The following RCN2 variants were observed in gnomAD, a reference collection of about 807,000 sequenced individuals.
The protein encoded by RCN2 is reticulocalbin-2.
In RCN2, 23 loss-of-function variants were observed where a neutral mutation model predicts 37.5. The ratio of observed to expected loss-of-function variants is 0.61; its 90% CI spans 0.44 to 0.87. RCN2 has a LOEUF of 0.87. Among genes scored for constraint, RCN2 ranks in the 40% least tolerant of loss-of-function variants. The probability of loss-of-function intolerance (pLI) is 0.00; values close to 1 mark genes in which losing one functional copy is unlikely to be tolerated. For synonymous variants in RCN2, 140 were observed against 144.6 expected (o/e 0.97, Z 0.23); for missense variants, 381 against 390.4 (o/e 0.98, Z 0.20).
At chr15:76,937,392 AC>A (rs2075255951) in intron 3 of RCN2, among the ~76,000 whole-genome samples, 2 of 150,640 alleles carry the variant, frequency 1.3e-5, no homozygotes, top group African/African-American at 4.9e-5. Context: ...TAGTGAGTAC[AC>A]CCTTTAAAAT....
Position 76,950,386 on chromosome 15 carries a change from C to CTTTTTTTTTTTTTT in RCN2, c.*1171_*1184dup, listed in dbSNP as rs67783519. The CTTTTTTTTTTTTTT allele has an allele frequency of 9.5e-6, 1 of 105,464 alleles. No individual in the cohort carries two copies. Among genetic ancestry groups the CTTTTTTTTTTTTTT allele is most frequent in the Non-Finnish European group, 1.9e-5 (1 of 53,654 alleles). 6.5% of individuals were successfully genotyped at this position (105,464 alleles called of 1,614,324 possible). On this transcript the variant is annotated 3_prime_UTR_variant, in exon 7 of 7. Coordinates refer to ENST00000394885, the MANE Select transcript of RCN2 (RefSeq NM_002902.3). ...TGATGTACAGAGATTGTTTTTCATT[C>CTTTTTTTTTTTTTT]TTTTTTTTTTTTTTTTTTTTGTGAC...
chr15:76,933,895 G>T (rs995075772), intron 2 of RCN2, among the ~76,000 whole-genome samples: 1 of 152,172 alleles, frequency 6.6e-6, no homozygotes, highest in Non-Finnish European at 1.5e-5. Flanking sequence ...GTAGGAGTTG[G>T]CTTTGAAGCC....
chr15:76,941,534 A>G, intron 3 of RCN2: 1 of 535,210 alleles, frequency 1.9e-6, no homozygotes, highest in Non-Finnish European at 3.2e-6. Context: ...TACTGTACCT[A>G]ACACTTTTTA....
At position 76,953,568 on chromosome 15, in the gene RCN2, TATATATATATATATATATATATATA is replaced by T. The variant is rs1444959470; in HGVS notation, c.*4347_*4371del. 9.9e-4 allele frequency: 16 copies of T among 16,216 alleles called. No individual in the cohort carries two copies. The highest frequency in any genetic ancestry group is 2.8e-3 in the East Asian group (2 of 702). The allele number at this position is 16,216 out of a possible 1,614,324, so 1.0% of individuals were successfully genotyped here. On this transcript the variant is annotated 3_prime_UTR_variant, in exon 7 of 7. Coordinates refer to ENST00000394885, the MANE Select transcript of RCN2 (RefSeq NM_002902.3). ...CATATAGTAATTCTATATATATATATATATATATATATATATATATATATATTTTTTTTTTTTTTTTTTTTTTTTT... is the reference window on the plus strand; with the variant it reads ...CATATAGTAATTCTATATATATATATTTTTTTTTTTTTTTTTTTTTTTTTT...
At chr15:76,944,119 G>A (rs1456002040) in intron 4 of RCN2, among the ~76,000 whole-genome samples, 1 of 148,686 alleles carries the variant, frequency 6.7e-6, no homozygotes, top group Non-Finnish European at 1.5e-5. Context: ...CAGCCTCTCT[G>A]AGTAGCTGGA....
intron 3 of RCN2, chr15:76,942,555 G>A (rs2075280280): frequency 6.6e-6 from 1 of 152,180 alleles, no homozygotes; most frequent in Admixed American, 6.5e-5. Context: ...AAAAGGATAT[G>A]TGTTTATTAA....
intron 3 of RCN2, among the ~76,000 whole-genome samples, chr15:76,940,318 G>C (rs2075271616): frequency 6.6e-6 from 1 of 150,938 alleles, no homozygotes; most frequent in Non-Finnish European, 1.5e-5. Context: ...AAAAAATAAC[G>C]TCCTAAAAAT....
At chr15:76,941,390 C>T (rs1482174393) in intron 3 of RCN2, 3 of 310,526 alleles carry the variant, frequency 9.7e-6, no homozygotes, top group Non-Finnish European at 1.2e-5. Flanking sequence ...TTTTTAATGC[C>T]TAGTCATTTG....
chr15:76,939,676 A>T (rs949474041), intron 3 of RCN2, among the ~76,000 whole-genome samples: 2 of 152,214 alleles, frequency 1.3e-5, no homozygotes, highest in African/African-American at 4.8e-5. Flanking sequence ...AATGTAACTT[A>T]TCTAAAACCA....
chr15:76,932,346 C>T lies in RCN2; in HGVS notation c.145-15C>T, dbSNP rs561714874. Reference sequence around the variant, plus strand: ...AGTAATGCTTGGCCCTCCTGTGTGTCGCTTCCCCCTAAAGGAAGATGTGGA... The same window carrying T: ...AGTAATGCTTGGCCCTCCTGTGTGTTGCTTCCCCCTAAAGGAAGATGTGGA... On this transcript the variant is annotated splice_polypyrimidine_tract_variant and intron_variant, in intron 1 of 6. Transcript: ENST00000394885. The T allele has an allele frequency of 8.1e-6, 13 of 1,596,624 alleles. No homozygotes were observed. The highest frequency in any genetic ancestry group is 6.6e-5 in the South Asian group (6 of 90,438).
intron 3 of RCN2, chr15:76,942,319 T>C (rs1035326876): frequency 5.3e-5 from 8 of 152,156 alleles, no homozygotes; most frequent in African/African-American, 1.7e-4. Context: ...AATTGTGCTT[T>C]AAAAAAATGC....
rs1034722635 is a variant in RCN2 at position 76,951,051 on chromosome 15, T to C, written c.*1829T>C. The C allele has an allele frequency of 1.3e-5, 2 of 152,256 alleles. No homozygotes were observed. Among genetic ancestry groups the C allele is most frequent in the African/African-American group, 4.8e-5 (2 of 41,470 alleles). The allele number at this position is 152,256 out of a possible 1,614,324, so 9.4% of individuals were successfully genotyped here. ...ATCACTCATCTGTCATTTGTCAGAC[T>C]CACTGAAGCTGGCATATTTGAAATC... is the stretch of plus-strand genomic sequence containing the variant. On this transcript the variant is annotated 3_prime_UTR_variant, in exon 7 of 7. Transcript: ENST00000394885.
chr15:76,937,485 C>T (rs887381715), intron 3 of RCN2, among the ~76,000 whole-genome samples: 9 of 151,512 alleles, frequency 5.9e-5, no homozygotes, highest in African/African-American at 1.7e-4. Context: ...GGTATAATCT[C>T]GGCTCACTGC....
chr15:76,949,357 A>G lies in RCN2; in HGVS notation c.*135A>G. 3.1e-6 allele frequency: 2 copies of G among 643,536 alleles called. No individual in the cohort carries two copies. The highest frequency in any genetic ancestry group is 3.2e-5 in the East Asian group (1 of 30,978). The allele number at this position is 643,536 out of a possible 1,614,324, so 39.9% of individuals were successfully genotyped here. A position where few individuals can be genotyped will look rare whatever the true frequency, so the allele number is the denominator to read the frequency against. On this transcript the variant is annotated 3_prime_UTR_variant, in exon 7 of 7. Transcript: ENST00000394885. ...AGTCAGAATTATCTTAATGTAGATT[A>G]TAATTTTGGTCTTTTAGGAAAAAAA...
rs1568463686 is a variant in RCN2, at chr15:76,953,756, TGCCACC to T, written c.*4537_*4542del. On this transcript the variant is annotated 3_prime_UTR_variant, in exon 7 of 7. Transcript: ENST00000394885. ...CCGAGTAGCTGGGACTATAGGCGCC[TGCCACC>T]GCACCCGGCTAATTTTTTGTATTTT... 1 of 52,002 alleles carries T rather than the reference TGCCACC, an allele frequency of 1.9e-5. No homozygotes were observed. The highest frequency in any genetic ancestry group is 7.3e-5 in the Non-Finnish European group (1 of 13,642). 3.2% of individuals were successfully genotyped at this position (52,002 alleles called of 1,614,324 possible).
intron 5 of RCN2, 62 bp downstream of exon 5, chr15:76,947,579 C>T (rs2075301670): frequency 9.4e-7 from 1 of 1,062,616 alleles, no homozygotes; most frequent in South Asian, 1.3e-5. Flanking sequence ...TGAAAGACAG[C>T]CTTGCTCATT....
In RCN2 at chr15:76,935,575, A is replaced by G; in HGVS notation, c.300A>G (p.Gln100=). 6.2e-7 allele frequency: 1 copy of G among 1,613,908 alleles called. No homozygotes were observed. The highest frequency in any genetic ancestry group is 8.5e-7 in the Non-Finnish European group (1 of 1,179,898). ...TGTCTTTTAAGCATTATGCTATGCAAGAAGCAAAACAACAGTTTGTTGAAT... is the reference window on the plus strand; with the variant it reads ...TGTCTTTTAAGCATTATGCTATGCAGGAAGCAAAACAACAGTTTGTTGAAT... ...IQMSFKHYAM[Q]EAKQQFVEYD... The change falls in exon 3 of 7, where the codon CAA becomes CAG. Residue 100 remains glutamine, a synonymous_variant. Coordinates refer to ENST00000394885, the MANE Select transcript of RCN2 (RefSeq NM_002902.3).
At chr15:76,943,984 CTTTTTTTTT>C (rs11361216) in intron 4 of RCN2, 113 bp downstream of exon 4, 3 of 96,110 alleles carry the variant, frequency 3.1e-5, no homozygotes, top group Non-Finnish European at 5.8e-5. Context: ...ATACATGAGA[CTTTTTTTTT>C]TTTTTTTTTT....
chr15:76,936,629 AC>A (rs2075250454), intron 3 of RCN2, among the ~76,000 whole-genome samples: 1 of 152,096 alleles, frequency 6.6e-6, no homozygotes, highest in Non-Finnish European at 1.5e-5. Flanking sequence ...ATGAACCAAT[AC>A]CCGTCCGCGA....
Sources: allele counts gnomAD v4.1 joint callset (sites outside exome capture counted in the v4.1 genomes callset), GRCh38; gene constraint gnomAD v4.1.1; transcripts MANE v1.5; gene names NCBI Gene and HGNC (gene_info 2026-07-23, HGNC 2026-07-21).